Variants in EPS15 observed in about 807,000 individuals in gnomAD.
The protein encoded by EPS15 is epidermal growth factor receptor pathway substrate 15.
EPS15 carries 72 observed loss-of-function variants against 113.8 expected under a neutral mutation model. That is an observed-to-expected ratio of 0.63 (90% CI 0.52 to 0.77). The LOEUF is 0.77. Among genes scored for constraint, EPS15 ranks in the 30% least tolerant of loss-of-function variants. EPS15 has a pLI of 0.00. For synonymous variants in EPS15, 344 were observed against 363.4 expected, an observed-to-expected ratio of 0.95 and a Z score of 0.61; for missense variants, 1,048 against 1,045.8, an observed-to-expected ratio of 1.00 and a Z score of -0.03.
intron 12 of EPS15, among the ~76,000 whole-genome samples, chr1:51,426,872 T>C (rs1047757989): frequency 4.0e-5 from 6 of 151,122 alleles, no homozygotes; most frequent in East Asian, 3.9e-4. Flanking sequence ...CATATATATA[T>C]ACACATATAT....
intron 21 of EPS15, among the ~76,000 whole-genome samples, chr1:51,386,073 C>T (rs577343066): frequency 6.7e-4 from 102 of 152,280 alleles, no homozygotes; most frequent in African/African-American, 2.4e-3. Context: ...AAAAAAACTA[C>T]TTATCATAAC....
At chr1:51,454,122 TA>T (rs1653801208) in intron 8 of EPS15, among the ~76,000 whole-genome samples, 1 of 149,446 alleles carries the variant, frequency 6.7e-6, no homozygotes. Flanking sequence ...AGGAAATATG[TA>T]AACAGTTAAT....
intron 1 of EPS15, among the ~76,000 whole-genome samples, chr1:51,503,865 T>C (rs898991371): frequency 3.9e-5 from 6 of 152,158 alleles, no homozygotes; most frequent in Admixed American, 2.6e-4. Flanking sequence ...CAAATGATGC[T>C]GGAATACCAT....
At chr1:51,377,264 CAAACA>C (rs945967744) in intron 21 of EPS15, among the ~76,000 whole-genome samples, 2 of 152,150 alleles carry the variant, frequency 1.3e-5, no homozygotes, top group Non-Finnish European at 2.9e-5. Context: ...AACTCCGTCT[CAAACA>C]AAACAAAACA....
At chr1:51,368,284 C>T (rs936936326) in intron 21 of EPS15, among the ~76,000 whole-genome samples, 1 of 152,030 alleles carries the variant, frequency 6.6e-6, no homozygotes, top group East Asian at 1.9e-4. Flanking sequence ...AAAGAAGATA[C>T]ACTATTTTTG....
Position 51,409,641 on chromosome 1 carries a change from T to C in EPS15, c.1169A>G (p.Gln390Arg). 1.2e-6 allele frequency: 2 copies of C among 1,613,716 alleles called. No homozygotes were observed. The highest frequency in any genetic ancestry group is 2.2e-5 in the South Asian group (2 of 91,042). The change falls in exon 14 of 25, where the codon CAG becomes CGG. Residue 390 changes from glutamine to arginine, a missense_variant. Gln to Arg is a conservative substitution (Grantham distance 43). Coordinates refer to ENST00000371733, the MANE Select transcript of EPS15 (RefSeq NM_001981.3). ...AAGGAGTTCCTGTACCTGCTGTTTC[T>C]GGGCCTGTAGTTTTTGCAGATTAGT... ...ENTNLQKLQA[Q>R]KQQVQELLDE...
chr1:51,400,598 G>A (rs1648422010), intron 19 of EPS15, among the ~76,000 whole-genome samples: 1 of 151,336 alleles, frequency 6.6e-6, no homozygotes, highest in Non-Finnish European at 1.5e-5. Context: ...TCAGGAGGCT[G>A]AGGCAGGAGG....
intron 1 of EPS15, among the ~76,000 whole-genome samples, chr1:51,506,997 C>T (rs887396188): frequency 2.6e-5 from 4 of 152,112 alleles, no homozygotes; most frequent in Non-Finnish European, 4.4e-5. Context: ...CCCTTGCAAC[C>T]AAATTAAATA....
intron 21 of EPS15, among the ~76,000 whole-genome samples, chr1:51,393,909 G>T (rs1363404889): frequency 3.3e-5 from 5 of 152,086 alleles, no homozygotes; most frequent in African/African-American, 4.8e-5. Context: ...GTTATTAAAA[G>T]AATAAATAAA....
intron 21 of EPS15, among the ~76,000 whole-genome samples, chr1:51,385,550 T>C (rs1439634956): frequency 1.3e-5 from 2 of 152,220 alleles, no homozygotes; most frequent in South Asian, 2.1e-4. Context: ...GCAATTCTAC[T>C]TTTAGAATTA....
intron 1 of EPS15, among the ~76,000 whole-genome samples, chr1:51,501,358 A>C (rs1644411029): frequency 6.6e-6 from 1 of 151,766 alleles, no homozygotes; most frequent in Admixed American, 6.6e-5. Flanking sequence ...CAGTGAGCCG[A>C]GATGGCACCA....
chr1:51,433,017 T>C (rs888381818), intron 12 of EPS15, among the ~76,000 whole-genome samples: 4 of 152,194 alleles, frequency 2.6e-5, no homozygotes, highest in South Asian at 2.1e-4. Flanking sequence ...CCAGACATAA[T>C]GGTTTCTAAT....
At chr1:51,443,649 CTTTCT>C (rs1652775248) in intron 11 of EPS15, among the ~76,000 whole-genome samples, 1 of 151,684 alleles carries the variant, frequency 6.6e-6, no homozygotes. Flanking sequence ...TTCTTTCTTT[CTTTCT>C]TTCTTTTTTT....
chr1:51,396,119 C>T (rs2148408604), intron 20 of EPS15, among the ~76,000 whole-genome samples: 1 of 152,256 alleles, frequency 6.6e-6, no homozygotes, highest in Non-Finnish European at 1.5e-5. Flanking sequence ...ATAGTATTAA[C>T]TGAGGCCAAT....
chr1:51,462,019 A>T (rs1320147068), intron 7 of EPS15: 2 of 152,232 alleles, frequency 1.3e-5, no homozygotes, highest in Non-Finnish European at 2.9e-5. Flanking sequence ...CACAGCTAAG[A>T]AGTGGTGCAG....
At chr1:51,489,634 T>C (rs1308176429) in intron 1 of EPS15, among the ~76,000 whole-genome samples, 1 of 152,150 alleles carries the variant, frequency 6.6e-6, no homozygotes, top group East Asian at 1.9e-4. Flanking sequence ...ACACAGAGTA[T>C]ATAGCCTCTC....
intron 7 of EPS15, among the ~76,000 whole-genome samples, chr1:51,462,869 G>GTTTTTTTTTT (rs1654568535): frequency 7.5e-6 from 1 of 133,188 alleles, no homozygotes; most frequent in African/African-American, 2.8e-5. Context: ...AAAAAAGTCA[G>GTTTTTTTTTT]ATTTTTTTTT....
At chr1:51,483,398 A>AGTGTGTGTGT (rs58892404) in intron 1 of EPS15, among the ~76,000 whole-genome samples, 351 of 141,768 alleles carry the variant, frequency 2.5e-3, no homozygotes, top group African/African-American at 3.8e-3. Context: ...CAAGACTGCA[A>AGTGTGTGTGT]GTGTGTGTGT....
rs972509530 is a variant in EPS15 at position 51,450,285 on chromosome 1, A to G, written c.562-2150T>C. 2.6e-5 allele frequency among the ~76,000 whole-genome samples: 4 copies of G among 151,918 alleles called. 1 individual carries two copies. The highest frequency in any genetic ancestry group is 9.7e-5 in the African/African-American group (4 of 41,218). On this transcript the variant is annotated intron_variant, in intron 8 of 24. Transcript: ENST00000371733. ...TCCGTTTTTGTATTGCTATAAATAA[A>G]TACCTAAGGCTGGGTAATTTATAAA...
Sources: gnomAD v4.1 joint callset for allele counts (sites outside exome capture counted in the v4.1 genomes callset) on GRCh38, gnomAD v4.1.1 for gene constraint, MANE v1.5 for transcripts, NCBI Gene and HGNC (gene_info 2026-07-23, HGNC 2026-07-21) for gene names.